Variants in PATJ observed in about 807,000 individuals in gnomAD.
The protein encoded by PATJ is PATJ crumbs cell polarity complex component, also known as inaD-like protein.
A neutral mutation model predicts 224.9 loss-of-function variants in PATJ; 190 were observed. That is an observed-to-expected ratio of 0.84 (90% CI 0.75 to 0.95). PATJ has a LOEUF of 0.95. PATJ is among the 40% of genes least tolerant of loss of function. PATJ has a pLI of 0.00. For synonymous variants in PATJ, 769 were observed against 820.3 expected, an observed-to-expected ratio of 0.94 and a Z score of 1.07; for missense variants, 2,121 against 2,270.3, an observed-to-expected ratio of 0.93 and a Z score of 1.34.
chr1:61,842,776 G>GAAAAGAAAA (rs750241109), intron 17 of PATJ, among the ~76,000 whole-genome samples: 1 of 151,336 alleles, frequency 6.6e-6, no homozygotes. Context: ...AAAAAAAAAG[G>GAAAAGAAAA]AATAGGAACA....
At chr1:61,945,613 C>T (rs1157360136) in intron 27 of PATJ, among the ~76,000 whole-genome samples, 7 of 152,118 alleles carry the variant, frequency 4.6e-5, no homozygotes, top group Non-Finnish European at 8.8e-5. Flanking sequence ...GACTTAGACT[C>T]CCACACAATA....
chr1:61,946,280 T>C (rs1169279435), intron 27 of PATJ, among the ~76,000 whole-genome samples: 1 of 152,106 alleles, frequency 6.6e-6, no homozygotes, highest in Non-Finnish European at 1.5e-5. Context: ...ATCCAGGAGC[T>C]GATTTTTTGA....
At chr1:62,157,045 C>T (rs1371307167) in intron 43 of PATJ, among the ~76,000 whole-genome samples, 1 of 149,704 alleles carries the variant, frequency 6.7e-6, no homozygotes, top group African/African-American at 2.5e-5. Context: ...TTCATTAGGC[C>T]GGGCACGGTG....
At chr1:62,024,003 A>C (rs912540905) in intron 29 of PATJ, among the ~76,000 whole-genome samples, 1 of 152,158 alleles carries the variant, frequency 6.6e-6, no homozygotes, top group Non-Finnish European at 1.5e-5. Flanking sequence ...AATCACATTT[A>C]CTGATTTGTG....
chr1:61,970,089 G>GT (rs1323865082), intron 27 of PATJ, among the ~76,000 whole-genome samples: 6 of 146,204 alleles, frequency 4.1e-5, no homozygotes, highest in Non-Finnish European at 7.5e-5. Flanking sequence ...TTTGTTTTTT[G>GT]TTTTTTGTAA....
chr1:61,789,529 C>T (rs1055001152), intron 8 of PATJ, among the ~76,000 whole-genome samples: 1 of 151,650 alleles, frequency 6.6e-6, no homozygotes, highest in Non-Finnish European at 1.5e-5. Context: ...AAAAGTTTCT[C>T]CAGCCGGTCT....
chr1:62,083,946 A>G (rs953691295), intron 32 of PATJ, among the ~76,000 whole-genome samples: 3 of 152,142 alleles, frequency 2.0e-5, no homozygotes, highest in African/African-American at 7.2e-5. Context: ...GATTTTCATG[A>G]TGTATTTTAA....
At chr1:61,782,981 T>C (rs11207834) in intron 7 of PATJ, among the ~76,000 whole-genome samples, 25,087 of 152,120 alleles carry the variant, frequency 0.16, 2,464 homozygotes, top group East Asian at 0.47. Flanking sequence ...GACATTTTGG[T>C]ATGAAACAGT....
intron 24 of PATJ, among the ~76,000 whole-genome samples, chr1:61,903,472 T>A (rs1671463926): frequency 6.6e-6 from 1 of 152,168 alleles, no homozygotes; most frequent in Non-Finnish European, 1.5e-5. Context: ...CTATTTGACA[T>A]CCATATAATA....
intron 26 of PATJ, among the ~76,000 whole-genome samples, chr1:61,919,991 A>C (rs918470657): frequency 1.3e-5 from 2 of 152,184 alleles, no homozygotes; most frequent in Non-Finnish European, 2.9e-5. Flanking sequence ...GATCAAACTA[A>C]CTATTTGAGT....
At chr1:61,928,423 G>A in intron 27 of PATJ, among the ~76,000 whole-genome samples, 1 of 152,172 alleles carries the variant, frequency 6.6e-6, no homozygotes. Context: ...AGATTAGATA[G>A]TGGTGATGGT....
At chr1:61,783,492 G>A (rs923719382) in intron 7 of PATJ, among the ~76,000 whole-genome samples, 7 of 147,182 alleles carry the variant, frequency 4.8e-5, no homozygotes, top group African/African-American at 1.3e-4. Context: ...GCAGTGGTGC[G>A]ATCCTAGCTC....
intron 42 of PATJ, among the ~76,000 whole-genome samples, chr1:62,150,918 A>C (rs1668566506): frequency 6.6e-6 from 1 of 152,082 alleles, no homozygotes; most frequent in Non-Finnish European, 1.5e-5. Flanking sequence ...CGAGGTGGGC[A>C]GATCGCCTGA....
At chr1:61,825,609 A>G (rs115130323) in intron 15 of PATJ, among the ~76,000 whole-genome samples, 74 of 152,260 alleles carry the variant, frequency 4.9e-4, no homozygotes, top group African/African-American at 1.6e-3. Flanking sequence ...CAGAACAGCT[A>G]TTTACAGCAG....
intron 23 of PATJ, among the ~76,000 whole-genome samples, chr1:61,900,840 C>T (rs979520211): frequency 2.1e-4 from 32 of 152,188 alleles, no homozygotes; most frequent in Non-Finnish European, 3.5e-4. Flanking sequence ...CTGCCCGCCT[C>T]GGCCTCCCAA....
At chr1:62,039,171 G>A (rs2148517886) in intron 30 of PATJ, 1 of 546,564 alleles carries the variant, frequency 1.8e-6, no homozygotes, top group East Asian at 3.5e-5. Context: ...TTTGTTAATT[G>A]TCTTGTAGAA....
chr1:61,782,729 A>G lies in PATJ; in HGVS notation c.850-5025A>G, dbSNP rs530778758. Among the ~76,000 whole-genome samples the G allele has an allele frequency of 3.9e-4, 60 of 152,312 alleles. No individual in the cohort carries two copies. The South Asian group carries it at 6.4e-3, about 16-fold the overall frequency. On this transcript the variant is annotated intron_variant, in intron 7 of 43. Transcript: ENST00000642238. The stretch of plus-strand genomic sequence containing the variant: ...CCCTGTAAGCCTCAGAGCCTCTCCA[A>G]AATTCACAGTGCTTGAAACACTCAC...
chr1:61,759,743 T>C (rs1645858427), intron 1 of PATJ, among the ~76,000 whole-genome samples: 1 of 152,206 alleles, frequency 6.6e-6, no homozygotes, highest in Non-Finnish European at 1.5e-5. Flanking sequence ...TCCAGGAGTT[T>C]TGCTATTAAA....
intron 14 of PATJ, among the ~76,000 whole-genome samples, chr1:61,813,113 G>C (rs1239724121): frequency 6.6e-6 from 1 of 151,600 alleles, no homozygotes; most frequent in African/African-American, 2.4e-5. Flanking sequence ...AGCTTTACTT[G>C]TCTGTCCTCC....
Sources: gnomAD v4.1 joint callset for allele counts (sites outside exome capture counted in the v4.1 genomes callset) on GRCh38, gnomAD v4.1.1 for gene constraint, MANE v1.5 for transcripts, NCBI Gene and HGNC (gene_info 2026-07-23, HGNC 2026-07-21) for gene names.